Variants in HDAC9 observed in about 807,000 individuals in gnomAD.
The protein encoded by HDAC9 is MEF-2 interacting transcription repressor (MITR) protein.
In HDAC9, 41 loss-of-function variants were observed where a neutral mutation model predicts 139.4. The observed-to-expected ratio is 0.29, with a 90% CI of 0.23 to 0.38. The LOEUF is 0.38. HDAC9 is among the 10% of genes least tolerant of loss of function. The pLI, the probability that HDAC9 is intolerant of heterozygous loss-of-function variation, is 1.00. For missense variants in HDAC9, 1,147 were observed against 1,297.0 expected, an observed-to-expected ratio of 0.88 and a Z score of 1.78; for synonymous variants, 517 against 476.2, an observed-to-expected ratio of 1.09 and a Z score of -1.12.
chr7:18,547,635 G>A (rs928776806), intron 2 of HDAC9, among the ~76,000 whole-genome samples: 2 of 151,752 alleles, frequency 1.3e-5, no homozygotes, highest in African/African-American at 4.8e-5. Flanking sequence ...ATGCTGATGT[G>A]GTTTCATAGC....
At chr7:18,185,774 A>G (rs567324906) in intron 2 of HDAC9, among the ~76,000 whole-genome samples, 14 of 152,350 alleles carry the variant, frequency 9.2e-5, no homozygotes, top group South Asian at 8.3e-4. Context: ...TTTAAAATCA[A>G]TGGAGTAAAT....
intron 8 of HDAC9, among the ~76,000 whole-genome samples, chr7:18,640,163 T>G (rs1177476387): frequency 6.6e-6 from 1 of 150,576 alleles, no homozygotes; most frequent in Admixed American, 6.6e-5. Context: ...TTCGGGAGGC[T>G]GAGGTGGGAG....
intron 2 of HDAC9, among the ~76,000 whole-genome samples, chr7:18,177,143 C>T (rs1470686322): frequency 2.0e-5 from 3 of 152,062 alleles, no homozygotes; most frequent in African/African-American, 7.2e-5. Context: ...TTTTATTCTG[C>T]CTAAGTCCAG....
At chr7:18,238,818 G>C (rs1476845989) in intron 2 of HDAC9, among the ~76,000 whole-genome samples, 3 of 152,238 alleles carry the variant, frequency 2.0e-5, no homozygotes, top group Non-Finnish European at 4.4e-5. Flanking sequence ...ACTTTTAGCA[G>C]TGGGAGTTAC....
intron 11 of HDAC9, among the ~76,000 whole-genome samples, chr7:18,655,351 A>G (rs1790759202): frequency 6.6e-6 from 1 of 152,168 alleles, no homozygotes; most frequent in South Asian, 2.1e-4. Context: ...ATAACAGTAA[A>G]AAGCCTCCTA....
chr7:18,408,008 C>T (rs1788173090), intron 1 of HDAC9, among the ~76,000 whole-genome samples: 1 of 152,262 alleles, frequency 6.6e-6, no homozygotes, highest in South Asian at 2.1e-4. Context: ...AAATTAACCT[C>T]ATACTTACAT....
At chr7:18,105,824 C>G (rs973560455) in intron 1 of HDAC9, among the ~76,000 whole-genome samples, 8 of 151,954 alleles carry the variant, frequency 5.3e-5, no homozygotes, top group Non-Finnish European at 1.2e-4. Context: ...GGAAACAACC[C>G]AAATGTTTAC....
intron 24 of HDAC9, among the ~76,000 whole-genome samples, chr7:18,967,926 G>T (rs1442354061): frequency 6.6e-6 from 1 of 152,148 alleles, no homozygotes; most frequent in African/African-American, 2.4e-5. Flanking sequence ...ACTTTCGGAG[G>T]CCGAGGCGGG....
chr7:18,365,451 C>G (rs1784106348), intron 1 of HDAC9, among the ~76,000 whole-genome samples: 1 of 152,012 alleles, frequency 6.6e-6, no homozygotes, highest in Non-Finnish European at 1.5e-5. Context: ...TAAAGGATCT[C>G]CTGGCCTTGT....
intron 15 of HDAC9, among the ~76,000 whole-genome samples, chr7:18,763,218 C>G (rs1329147264): frequency 6.6e-6 from 1 of 152,084 alleles, no homozygotes; most frequent in African/African-American, 2.4e-5. Flanking sequence ...AAGTAGATAA[C>G]ATACAGTAGG....
At chr7:18,157,272 C>T (rs1157296262) in intron 1 of HDAC9, among the ~76,000 whole-genome samples, 2 of 152,126 alleles carry the variant, frequency 1.3e-5, no homozygotes, top group Non-Finnish European at 2.9e-5. Context: ...TAGCCTGTGC[C>T]TCGGTAGTAG....
intron 13 of HDAC9, among the ~76,000 whole-genome samples, chr7:18,747,227 G>C (rs151188076): frequency 1.3e-5 from 2 of 152,292 alleles, no homozygotes; most frequent in Non-Finnish European, 2.9e-5. Context: ...AGTCTCTTTA[G>C]TGAAGGCCCT....
At chr7:18,811,758 A>T (rs1378917029) in intron 17 of HDAC9, among the ~76,000 whole-genome samples, 1 of 151,616 alleles carries the variant, frequency 6.6e-6, no homozygotes, top group Non-Finnish European at 1.5e-5. Context: ...ATTTTAAACA[A>T]GTTTAAATGT....
At chr7:18,386,142 A>G (rs1365896) in intron 1 of HDAC9, among the ~76,000 whole-genome samples, 83,645 of 151,968 alleles carry the variant, frequency 0.55, 25,806 homozygotes, top group Non-Finnish European at 0.68. Context: ...TCATCAATGA[A>G]GCTCTCCCCG....
At position 18,696,834 on chromosome 7, in the gene HDAC9, T is replaced by C. The variant is rs151292728; in HGVS notation, c.1731+30358T>C. Reference sequence around the variant, plus strand: ...ACAATTACAGGTGAGATTCACAATATTGAACAACCATTTGGTTTGGCACTT... The same window carrying C: ...ACAATTACAGGTGAGATTCACAATACTGAACAACCATTTGGTTTGGCACTT... On this transcript the variant is annotated intron_variant, in intron 12 of 25. Coordinates refer to ENST00000686413, the MANE Select transcript of HDAC9 (RefSeq NM_178425.4). Among the ~76,000 whole-genome samples, 424 of 152,126 alleles carry C rather than the reference T, an allele frequency of 2.8e-3. 1 individual carries two copies. Among genetic ancestry groups the C allele is most frequent in the African/African-American group, 1.0e-2 (413 of 41,484 alleles).
At position 18,975,956 on chromosome 7, in the gene HDAC9, A is replaced by G; in HGVS notation, c.3170+3A>G. 1 of 1,613,180 alleles carries G rather than the reference A, an allele frequency of 6.2e-7. No homozygotes were observed. Among genetic ancestry groups the G allele is most frequent in the Middle Eastern group, 1.7e-4 (1 of 5,910 alleles). On this transcript the variant is annotated splice_donor_region_variant and intron_variant, in intron 25 of 25. Coordinates refer to ENST00000686413, the MANE Select transcript of HDAC9 (RefSeq NM_178425.4). ...CCCTTTGCTCAGGAAGACAGCAGGT[A>G]TGAATCCAACGTGCGGGAATAATCC...
intron 12 of HDAC9, among the ~76,000 whole-genome samples, chr7:18,689,813 C>A (rs1373762702): frequency 1.3e-5 from 2 of 151,892 alleles, no homozygotes; most frequent in African/African-American, 4.8e-5. Flanking sequence ...TTAAAATAAG[C>A]ATTTTTGGTG....
chr7:18,886,138 G>A (rs1800130078), intron 22 of HDAC9, among the ~76,000 whole-genome samples: 1 of 152,084 alleles, frequency 6.6e-6, no homozygotes, highest in Non-Finnish European at 1.5e-5. Flanking sequence ...ATTTATTCAA[G>A]TGAATGAGTG....
chr7:18,922,484 C>A (rs1803845264), intron 22 of HDAC9, among the ~76,000 whole-genome samples: 1 of 151,956 alleles, frequency 6.6e-6, no homozygotes, highest in African/African-American at 2.4e-5. Flanking sequence ...GTAGAAGGAC[C>A]TCAGTGGAAA....
Sources: gnomAD v4.1 joint callset for allele counts (sites outside exome capture counted in the v4.1 genomes callset) on GRCh38, gnomAD v4.1.1 for gene constraint, MANE v1.5 for transcripts, NCBI Gene and HGNC (gene_info 2026-07-23, HGNC 2026-07-21) for gene names.